UNC79: variants seen among roughly 807,000 people sequenced by gnomAD.
UNC79 encodes the protein protein unc-79 homolog.
Under a neutral mutation model 283.1 loss-of-function variants are expected in UNC79, and 37 were observed. That is an observed-to-expected ratio of 0.13 (90% CI 0.10 to 0.17). UNC79 has a LOEUF of 0.17. UNC79 is among the 10% of genes least tolerant of loss of function. The pLI is 1.00. For synonymous variants in UNC79, 1,107 were observed against 1,200.2 expected (o/e 0.92, Z 1.61); for missense variants, 2,272 against 3,211.1 (o/e 0.71, Z 7.07).
At chr14:93,615,352 G>A (rs1002645404) in intron 27 of UNC79, among the ~76,000 whole-genome samples, 15 of 152,040 alleles carry the variant, frequency 9.9e-5, no homozygotes, top group African/African-American at 3.4e-4. Context: ...AGCTGTCACT[G>A]TTTCAGATAC....
At chr14:93,338,867 C>T (rs994779567) in intron 1 of UNC79, among the ~76,000 whole-genome samples, 1 of 152,144 alleles carries the variant, frequency 6.6e-6, no homozygotes, top group Admixed American at 6.5e-5. Flanking sequence ...TGAGATCACA[C>T]CACTGCACTC....
intron 14 of UNC79, among the ~76,000 whole-genome samples, chr14:93,558,012 C>G (rs972533920): frequency 1.3e-5 from 2 of 152,176 alleles, no homozygotes; most frequent in African/African-American, 2.4e-5. Context: ...AAAAGTCAAG[C>G]TTTCAAGGAC....
rs550688755 is a variant in UNC79 at position 93,541,897 on chromosome 14, C to T, written c.1525-569C>T. Among the ~76,000 whole-genome samples, 7 of 148,260 alleles carry T rather than the reference C, an allele frequency of 4.7e-5. No individual in the cohort carries two copies. The South Asian group carries it at 8.6e-4, about 18-fold the overall frequency. ...GCAAGCGCCTGTAGTCCCAGCTACT[C>T]GGGAGGCTGAGGCAGGAGAATGGCG... On this transcript the variant is annotated intron_variant, in intron 13 of 48. Transcript: ENST00000555664.
chr14:93,597,415 C>G lies in UNC79; in HGVS notation c.3247C>G (p.His1083Asp), dbSNP rs1227605249. The G allele has an allele frequency of 1.2e-6, 2 of 1,614,076 alleles. No individual in the cohort carries two copies. The highest frequency in any genetic ancestry group is 1.1e-5 in the South Asian group (1 of 91,092). ...GGATATTCACTCAGTAACCAAAAAC[C>G]ACCTGCTGAAGTACTCCCTGGCACA... The change falls in exon 24 of 49, where the codon CAC (histidine) becomes GAC (aspartate). Residue 1083 changes from histidine (H) to aspartate (D), a missense_variant. Physicochemically the swap from His to Asp is moderately conservative, Grantham distance 81. Around this residue, in one of 11 missense-constraint regions of UNC79, gnomAD observed 237 missense variants for 378.9 expected, o/e 0.63. Coordinates refer to ENST00000555664, the Ensembl canonical transcript of UNC79.
chr14:93,517,566 TC>T (rs1439584535), intron 7 of UNC79, among the ~76,000 whole-genome samples: 1 of 151,990 alleles, frequency 6.6e-6, no homozygotes, highest in Non-Finnish European at 1.5e-5. Context: ...AAATGCATTT[TC>T]TCTTTCTATT....
intron 38 of UNC79, among the ~76,000 whole-genome samples, chr14:93,658,405 A>T (rs1336255939): frequency 6.6e-6 from 1 of 152,146 alleles, no homozygotes; most frequent in Non-Finnish European, 1.5e-5. Context: ...CTGGGATTCC[A>T]CTTGGAAAAC....
chr14:93,474,366 G>A lies in UNC79; in HGVS notation c.421G>A (p.Val141Ile). ...GACTTTGGTGACCCTCCTGGATCTA[G>A]TTCCTTTACTACAGCACGGCCAACA... Residue 141 changes from valine to isoleucine, a missense_variant, in exon 3 of 49, where the codon GTT becomes ATT. Physicochemically the swap from Val to Ile is conservative, Grantham distance 29. Coordinates refer to ENST00000555664, the Ensembl canonical transcript of UNC79. The surrounding 1 kb of genome is among the most constrained non-coding windows in gnomAD (Gnocchi z 4.1). 6.5e-7 allele frequency: 1 copy of A among 1,535,958 alleles called. No homozygotes were observed. The highest frequency in any genetic ancestry group is 8.7e-7 in the Non-Finnish European group (1 of 1,146,798).
intron 1 of UNC79, among the ~76,000 whole-genome samples, chr14:93,392,468 T>C (rs1474590416): frequency 6.6e-6 from 1 of 152,218 alleles, no homozygotes; most frequent in Non-Finnish European, 1.5e-5. Context: ...ACATTAATTA[T>C]ATGTTATATA....
chr14:93,520,808 G>T (rs76151676), intron 7 of UNC79, among the ~76,000 whole-genome samples: 2,078 of 151,996 alleles, frequency 0.014, 53 homozygotes, highest in African/African-American at 0.047. Flanking sequence ...CTATCTTCAT[G>T]CTTTCCTTTG....
At chr14:93,357,698 T>G (rs59905995) in intron 1 of UNC79, among the ~76,000 whole-genome samples, 1,436 of 120,052 alleles carry the variant, frequency 0.012, 97 homozygotes, top group African/African-American at 0.053. Context: ...TATATATATA[T>G]ATATATATAT....
intron 14 of UNC79, among the ~76,000 whole-genome samples, chr14:93,559,799 CAG>C (rs768948313): frequency 8.5e-5 from 13 of 152,160 alleles, no homozygotes; most frequent in Non-Finnish European, 1.6e-4. Context: ...GTGCAGGTCA[CAG>C]GGGATACGAT....
chr14:93,684,093 T>C (rs1005664194), intron 42 of UNC79, among the ~76,000 whole-genome samples: 1 of 152,194 alleles, frequency 6.6e-6, no homozygotes, highest in Non-Finnish European at 1.5e-5. Context: ...TTTCTAAGTA[T>C]GTAATGCAAT....
At chr14:93,624,177 G>A (rs2067361105) in intron 30 of UNC79, among the ~76,000 whole-genome samples, 1 of 152,068 alleles carries the variant, frequency 6.6e-6, no homozygotes, top group African/African-American at 2.4e-5. Flanking sequence ...TTTTTTATTT[G>A]CCCCAGGCAT....
intron 1 of UNC79, among the ~76,000 whole-genome samples, chr14:93,361,955 T>A (rs2054236975): frequency 3.3e-5 from 5 of 152,216 alleles, no homozygotes; most frequent in Admixed American, 3.3e-4. Flanking sequence ...GATGATCTTG[T>A]GGTTTTTTAG....
chr14:93,367,215 T>C (rs2054354048), intron 1 of UNC79, among the ~76,000 whole-genome samples: 1 of 152,070 alleles, frequency 6.6e-6, no homozygotes, highest in South Asian at 2.1e-4. Flanking sequence ...AAAAAAGAAA[T>C]CTAAGGACGA....
intron 1 of UNC79, among the ~76,000 whole-genome samples, chr14:93,408,028 TACTC>T (rs1395543771): frequency 6.6e-6 from 1 of 152,166 alleles, no homozygotes; most frequent in African/African-American, 2.4e-5. Context: ...CAGTTACTAT[TACTC>T]AATGCATTAT....
At chr14:93,382,975 A>G (rs1281891754) in intron 1 of UNC79, among the ~76,000 whole-genome samples, 1 of 152,250 alleles carries the variant, frequency 6.6e-6, no homozygotes, top group Non-Finnish European at 1.5e-5. Context: ...TTAAGATAGA[A>G]TATGATAAAT....
At chr14:93,580,259 C>T in exon 19 of UNC79, 2 of 1,614,210 alleles carry the variant, frequency 1.2e-6, no homozygotes, top group East Asian at 2.2e-5. Context: ...GATCCCACAC[C>T]TGCCAGAAGG....
intron 14 of UNC79, among the ~76,000 whole-genome samples, chr14:93,554,385 T>A (rs564707770): frequency 2.0e-5 from 3 of 152,152 alleles, no homozygotes; most frequent in African/African-American, 7.2e-5. Flanking sequence ...TGTCTCTCTC[T>A]TTTTCCTGTA....
Sources: allele counts gnomAD v4.1 joint callset (sites outside exome capture counted in the v4.1 genomes callset), GRCh38; gene constraint gnomAD v4.1.1; regional missense constraint gnomAD v4.1.1; non-coding constraint Gnocchi (gnomAD v3.1); transcripts MANE v1.5; gene names NCBI Gene and HGNC (gene_info 2026-07-23, HGNC 2026-07-21).